Variants in CCNY observed in about 807,000 individuals in gnomAD.
CCNY encodes cyclin Y, also known as cyclin-Y.
In CCNY, 19 loss-of-function variants were observed where a neutral mutation model predicts 42.8. The ratio of observed to expected loss-of-function variants is 0.44; its 90% CI spans 0.31 to 0.65. The LOEUF (loss-of-function observed/expected upper bound fraction) is 0.65, where lower values mean the gene tolerates loss of function less well. Among genes scored for constraint, CCNY ranks in the 30% least tolerant of loss-of-function variants. The pLI is 0.07. For missense variants in CCNY, 370 were observed against 437.3 expected (o/e 0.85, Z 1.37); for synonymous variants, 165 against 162.7 (o/e 1.01, Z -0.11).
At chr10:35,404,347 G>A (rs1219663872) in intron 1 of CCNY, among the ~76,000 whole-genome samples, 1 of 152,178 alleles carries the variant, frequency 6.6e-6, no homozygotes, top group African/African-American at 2.4e-5. Flanking sequence ...TGTGTGTAAT[G>A]AAAAGGGTTG....
chr10:35,348,515 C>T (rs760984566), intron 1 of CCNY, among the ~76,000 whole-genome samples: 8 of 152,208 alleles, frequency 5.3e-5, no homozygotes, highest in South Asian at 2.1e-4. Context: ...CAGGAGGATA[C>T]GACTTCGTCA....
At chr10:35,474,132 G>C (rs1454335898) in intron 1 of CCNY, among the ~76,000 whole-genome samples, 2 of 152,194 alleles carry the variant, frequency 1.3e-5, no homozygotes, top group African/African-American at 4.8e-5. Context: ...CCCGCACCTG[G>C]CTTGGAGGGT....
Position 35,337,161 on chromosome 10 carries a change from CACGGGCTGCA to C in CCNY, c.111_120del (p.Gly38CysfsTer10). On this transcript the variant is annotated frameshift_variant, in exon 1 of 10. Transcript: ENST00000374704. LOFTEE classifies it high-confidence loss of function. ...CAGACACGGACCTGAGCCGCGAGGA[CACGGGCTGCA>C]ACCTGCAGCACATCAGCGACCGGGA... 1 of 1,580,194 alleles carries C rather than the reference CACGGGCTGCA, an allele frequency of 6.3e-7. No individual in the cohort carries two copies.
At chr10:35,424,388 G>C (rs1040803018) in intron 1 of CCNY, among the ~76,000 whole-genome samples, 1 of 152,092 alleles carries the variant, frequency 6.6e-6, no homozygotes, top group Non-Finnish European at 1.5e-5. Flanking sequence ...CACCACACCT[G>C]GCTAAGTTTA....
chr10:35,513,510 G>A (rs548542738), intron 3 of CCNY, among the ~76,000 whole-genome samples: 14 of 152,144 alleles, frequency 9.2e-5, no homozygotes, highest in Non-Finnish European at 1.9e-4. Flanking sequence ...CCTGTTTAAC[G>A]CAGTTTCTAC....
chr10:35,461,601 C>T (rs906404601), intron 1 of CCNY, among the ~76,000 whole-genome samples: 4 of 152,092 alleles, frequency 2.6e-5, no homozygotes, highest in South Asian at 2.1e-4. Context: ...AGAAACCCGA[C>T]CAAAGCTTGG....
chr10:35,325,845 A>G (rs1217290224), intron 3 of CCNY, among the ~76,000 whole-genome samples: 2 of 152,128 alleles, frequency 1.3e-5, no homozygotes, highest in Admixed American at 6.5e-5. Context: ...TTGGGAAGCC[A>G]AGACAGGAGG....
intron 8 of CCNY, among the ~76,000 whole-genome samples, chr10:35,555,556 C>T (rs1321754628): frequency 2.0e-5 from 3 of 152,202 alleles, no homozygotes; most frequent in African/African-American, 7.2e-5. Flanking sequence ...TCACATCTCA[C>T]ATTTATCCAT....
intron 1 of CCNY, among the ~76,000 whole-genome samples, chr10:35,408,084 T>C (rs926664597): frequency 1.3e-5 from 2 of 151,974 alleles, no homozygotes; most frequent in African/African-American, 4.8e-5. Context: ...GCGCCAAGAT[T>C]AAAAGGAGAA....
chr10:35,289,561 T>G (rs1835388500), intron 3 of CCNY: 1 of 152,172 alleles, frequency 6.6e-6, no homozygotes, highest in African/African-American at 2.4e-5. Flanking sequence ...TTCAATTATT[T>G]GTTGACTATG....
In CCNY at chr10:35,530,373, C is replaced by A. The variant is rs1044170376; in HGVS notation, c.579+130C>A. On this transcript the variant is annotated intron_variant, in intron 7 of 9. Coordinates refer to ENST00000374704, the MANE Select transcript of CCNY (RefSeq NM_145012.6). The surrounding 1 kb of genome is among the most constrained non-coding windows in gnomAD (Gnocchi z 4.3). The stretch of plus-strand genomic sequence containing the variant: ...TACCCTGTGGACACCGTGGCATAAG[C>A]TTCAGTGTTGTCGTTCTCCTGGGAG... The A allele has an allele frequency of 1.8e-6, 2 of 1,107,912 alleles. No individual in the cohort carries two copies. The highest frequency in any genetic ancestry group is 3.1e-5 in the African/African-American group (2 of 64,322). The allele number at this position is 1,107,912 out of a possible 1,614,324, so 68.6% of individuals were successfully genotyped here.
chr10:35,513,060 ATCT>A (rs1451445066), intron 3 of CCNY, among the ~76,000 whole-genome samples: 1 of 152,192 alleles, frequency 6.6e-6, no homozygotes, highest in East Asian at 1.9e-4. Context: ...CTTCAATAAA[ATCT>A]TCTTAAATAT....
intron 3 of CCNY, among the ~76,000 whole-genome samples, chr10:35,306,749 T>G (rs1200784422): frequency 6.6e-6 from 1 of 152,072 alleles, no homozygotes; most frequent in Non-Finnish European, 1.5e-5. Context: ...CTACATGACA[T>G]AACAACCTTC....
intron 3 of CCNY, among the ~76,000 whole-genome samples, chr10:35,322,344 ACT>A (rs1160892205): frequency 6.8e-6 from 1 of 146,352 alleles, no homozygotes; most frequent in Admixed American, 7.0e-5. Flanking sequence ...ACAGAGCAAG[ACT>A]CTGTCTCAAA....
intron 1 of CCNY, among the ~76,000 whole-genome samples, chr10:35,360,121 G>A (rs984293907): frequency 1.3e-5 from 2 of 152,186 alleles, no homozygotes; most frequent in Non-Finnish European, 2.9e-5. Flanking sequence ...TTTTGGGTAT[G>A]TACTCAGAAG....
At chr10:35,280,602 A>G (rs183488699) in intron 3 of CCNY, among the ~76,000 whole-genome samples, 2 of 152,300 alleles carry the variant, frequency 1.3e-5, no homozygotes, top group East Asian at 3.9e-4. Flanking sequence ...ACAAAAATTA[A>G]CTCAAAACAG....
chr10:35,466,733 G>T (rs1398135768), intron 1 of CCNY, among the ~76,000 whole-genome samples: 10 of 152,166 alleles, frequency 6.6e-5, no homozygotes, highest in African/African-American at 2.2e-4. Context: ...GTGAAGCAAG[G>T]TTCCTGGCAA....
chr10:35,505,582 A>G (rs1404299109), intron 3 of CCNY, among the ~76,000 whole-genome samples: 3 of 152,190 alleles, frequency 2.0e-5, no homozygotes, highest in African/African-American at 7.2e-5. Context: ...GCCACCTGCT[A>G]ATTGGGCAAT....
intron 7 of CCNY, among the ~76,000 whole-genome samples, chr10:35,534,997 A>ATGTGTGTGTG (rs1376046634): frequency 2.1e-5 from 1 of 47,858 alleles, no homozygotes; most frequent in Non-Finnish European, 4.6e-5. Flanking sequence ...AGATCTATAT[A>ATGTGTGTGTG]TATGTGTGTG....
Sources: allele counts gnomAD v4.1 joint callset (sites outside exome capture counted in the v4.1 genomes callset), GRCh38; gene constraint gnomAD v4.1.1; non-coding constraint Gnocchi (gnomAD v3.1); transcripts MANE v1.5; gene names NCBI Gene and HGNC (gene_info 2026-07-23, HGNC 2026-07-21).